PTPRT: variants seen among roughly 807,000 people sequenced by gnomAD.
The protein encoded by PTPRT is protein tyrosine phosphatase receptor type T.
In PTPRT, 56 loss-of-function variants were observed where a neutral mutation model predicts 176.8. That is an observed-to-expected ratio of 0.32 (90% CI 0.26 to 0.40). PTPRT has a LOEUF of 0.40. Among genes scored for constraint, PTPRT ranks in the 10% least tolerant of loss-of-function variants. The pLI is 1.00. For missense variants in PTPRT, 1,540 were observed against 1,908.2 expected (o/e 0.81, Z 3.60); for synonymous variants, 783 against 739.0 (o/e 1.06, Z -0.96).
chr20:43,160,408 G>A (rs549746703), intron 1 of PTPRT, among the ~76,000 whole-genome samples: 1 of 152,202 alleles, frequency 6.6e-6, no homozygotes, highest in Non-Finnish European at 1.5e-5. Flanking sequence ...CATCCAAAGA[G>A]GTGCTTGCTG....
intron 2 of PTPRT, among the ~76,000 whole-genome samples, chr20:42,794,897 C>G (rs763458329): frequency 9.9e-5 from 15 of 151,980 alleles, no homozygotes; most frequent in Non-Finnish European, 2.2e-4. Flanking sequence ...CATCTCTAGC[C>G]CCTTCCACAT....
chr20:42,637,879 C>G (rs1024723786), intron 7 of PTPRT, among the ~76,000 whole-genome samples: 7 of 152,070 alleles, frequency 4.6e-5, no homozygotes, highest in African/African-American at 1.7e-4. Context: ...GGGTAAAGGT[C>G]TGAGATTTAA....
At chr20:42,558,706 G>A (rs1171192872) in intron 7 of PTPRT, among the ~76,000 whole-genome samples, 1 of 151,976 alleles carries the variant, frequency 6.6e-6, no homozygotes, top group Non-Finnish European at 1.5e-5. Flanking sequence ...TGGATTTTCC[G>A]ATTCCCATCA....
intron 1 of PTPRT, among the ~76,000 whole-genome samples, chr20:43,037,085 C>G (rs970211372): frequency 7.2e-5 from 11 of 152,202 alleles, no homozygotes; most frequent in Admixed American, 6.5e-4. Flanking sequence ...TTCAATTCTT[C>G]TTTCATTCTG....
chr20:42,854,681 T>C (rs1048955436), intron 2 of PTPRT, among the ~76,000 whole-genome samples: 11 of 152,304 alleles, frequency 7.2e-5, no homozygotes, highest in African/African-American at 2.6e-4. Flanking sequence ...GGGAAAAAAT[T>C]CTGAAATCTC....
At chr20:42,410,364 A>T (rs1038710095) in intron 9 of PTPRT, among the ~76,000 whole-genome samples, 3 of 152,160 alleles carry the variant, frequency 2.0e-5, no homozygotes, top group African/African-American at 7.2e-5. Context: ...AAATATAAAA[A>T]TATGTACAAA....
chr20:42,140,749 C>A (rs919357751), intron 18 of PTPRT, among the ~76,000 whole-genome samples: 1 of 152,124 alleles, frequency 6.6e-6, no homozygotes, highest in East Asian at 1.9e-4. Context: ...TATTCTATGT[C>A]CCCACAGGAC....
intron 1 of PTPRT, among the ~76,000 whole-genome samples, chr20:43,124,403 T>A (rs2013369912): frequency 6.6e-6 from 1 of 152,174 alleles, no homozygotes; most frequent in African/African-American, 2.4e-5. Flanking sequence ...CATAACAATC[T>A]GGCAACATCT....
chr20:42,994,241 C>T (rs1044306753), intron 1 of PTPRT, among the ~76,000 whole-genome samples: 3 of 152,108 alleles, frequency 2.0e-5, no homozygotes, highest in Non-Finnish European at 4.4e-5. Flanking sequence ...TAGGCCACTT[C>T]CAAGCCTTAC....
chr20:43,162,222 G>T (rs1416956979), intron 1 of PTPRT, among the ~76,000 whole-genome samples: 1 of 152,196 alleles, frequency 6.6e-6, no homozygotes, highest in Non-Finnish European at 1.5e-5. Flanking sequence ...CATTAGCTGG[G>T]ATTGGAGAAT....
intron 6 of PTPRT, among the ~76,000 whole-genome samples, chr20:42,752,275 G>A (rs1445051859): frequency 2.0e-5 from 3 of 152,232 alleles, no homozygotes; most frequent in Non-Finnish European, 4.4e-5. Context: ...ACCTTAGAGT[G>A]CCTATGCAGG....
intron 9 of PTPRT, among the ~76,000 whole-genome samples, chr20:42,377,324 A>G (rs1352654973): frequency 6.6e-6 from 1 of 152,126 alleles, no homozygotes; most frequent in Non-Finnish European, 1.5e-5. Context: ...TCCTCCAACA[A>G]GTGGTTTATT....
intron 7 of PTPRT, among the ~76,000 whole-genome samples, chr20:42,490,224 C>A (rs2071537843): frequency 6.6e-6 from 1 of 151,906 alleles, no homozygotes; most frequent in Non-Finnish European, 1.5e-5. Context: ...ATGATTTTTC[C>A]CCTCTATATA....
intron 1 of PTPRT, among the ~76,000 whole-genome samples, chr20:43,067,099 T>C (rs779984941): frequency 1.3e-5 from 2 of 152,288 alleles, no homozygotes; most frequent in South Asian, 2.1e-4. Context: ...TGTGGGTCAA[T>C]GGGTGAATGA....
At chr20:42,377,738 C>T (rs969244760) in intron 9 of PTPRT, among the ~76,000 whole-genome samples, 4 of 152,264 alleles carry the variant, frequency 2.6e-5, no homozygotes, top group East Asian at 1.9e-4. Flanking sequence ...CATTTCCTAG[C>T]GCTGAGCCTC....
chr20:42,607,604 G>A (rs948659378), intron 7 of PTPRT: 2 of 152,398 alleles, frequency 1.3e-5, no homozygotes, highest in African/African-American at 4.8e-5. Context: ...CTTAAACTTG[G>A]AGCAACAATG....
chr20:42,980,233 C>A (rs367801996), intron 1 of PTPRT, among the ~76,000 whole-genome samples: 18 of 152,016 alleles, frequency 1.2e-4, no homozygotes, highest in African/African-American at 4.3e-4. Flanking sequence ...AAGAGAAAAC[C>A]GGATGAAGCC....
At chr20:43,105,421 G>A (rs1468020748) in intron 1 of PTPRT, among the ~76,000 whole-genome samples, 1 of 148,896 alleles carries the variant, frequency 6.7e-6, no homozygotes, top group African/African-American at 2.5e-5. Context: ...TTTTTTCTGA[G>A]ACAGAGTCTC....
chr20:42,657,115 GT>G (rs1432055634), intron 7 of PTPRT, among the ~76,000 whole-genome samples: 1 of 152,022 alleles, frequency 6.6e-6, no homozygotes, highest in African/African-American at 2.4e-5. Flanking sequence ...TTTTATAAGG[GT>G]TTTCCCCCTT....
Sources: gnomAD v4.1 joint callset for allele counts (sites outside exome capture counted in the v4.1 genomes callset) on GRCh38, gnomAD v4.1.1 for gene constraint, MANE v1.5 for transcripts, NCBI Gene and HGNC (gene_info 2026-07-23, HGNC 2026-07-21) for gene names.